The following NAA15 variants were observed in gnomAD, a reference collection of about 807,000 sequenced individuals.
The protein encoded by NAA15 is N-alpha-acetyltransferase 15, NatA auxiliary subunit, also known as N-terminal acetyltransferase.
A neutral mutation model predicts 114.0 loss-of-function variants in NAA15; 34 were observed. That is an observed-to-expected ratio of 0.30 (90% confidence interval 0.23 to 0.40). The LOEUF is 0.40. NAA15 is among the 10% of genes least tolerant of loss of function. The pLI, the probability that NAA15 is intolerant of heterozygous loss-of-function variation, is 1.00. For missense variants in NAA15, 658 were observed against 1,004.5 expected (o/e 0.66, Z 4.66); for synonymous variants, 340 against 338.0 (o/e 1.01, Z -0.06).
intron 15 of NAA15, among the ~76,000 whole-genome samples, chr4:139,372,637 A>G (rs1748473054): frequency 6.6e-6 from 1 of 152,134 alleles, no homozygotes; most frequent in Non-Finnish European, 1.5e-5. Flanking sequence ...AAATTATACC[A>G]AGCCATCATA....
chr4:139,371,271 G>C (rs1384213189), intron 15 of NAA15, among the ~76,000 whole-genome samples: 2 of 151,958 alleles, frequency 1.3e-5, no homozygotes, highest in African/African-American at 4.8e-5. Flanking sequence ...CACCAGAGCA[G>C]GTGGACAGTA....
intron 1 of NAA15, among the ~76,000 whole-genome samples, chr4:139,318,953 T>G (rs1282431230): frequency 6.6e-6 from 1 of 152,136 alleles, no homozygotes; most frequent in Non-Finnish European, 1.5e-5. Flanking sequence ...CTATAATCCC[T>G]TATCCAGTTA....
intron 1 of NAA15, among the ~76,000 whole-genome samples, chr4:139,315,826 A>G (rs1384133685): frequency 1.3e-5 from 2 of 149,810 alleles, no homozygotes; most frequent in Non-Finnish European, 3.0e-5. Flanking sequence ...TTATATTTTC[A>G]TTAGTTACCT....
chr4:139,360,397 TGAAAGAG>T, intron 12 of NAA15, 96 bp from the exon 13 acceptor site: 1 of 1,078,426 alleles, frequency 9.3e-7, no homozygotes, highest in Non-Finnish European at 1.3e-6. Flanking sequence ...AAAATTTTTT[TGAAAGAG>T]TCCCAATCAG....
intron 15 of NAA15, among the ~76,000 whole-genome samples, chr4:139,370,680 G>A (rs1403183512): frequency 6.6e-6 from 1 of 152,114 alleles, no homozygotes; most frequent in Middle Eastern, 3.2e-3. Flanking sequence ...CCAGATATTA[G>A]CTCTTATATT....
intron 14 of NAA15, among the ~76,000 whole-genome samples, chr4:139,366,205 ACT>A (rs1332394599): frequency 6.6e-6 from 1 of 151,850 alleles, no homozygotes; most frequent in African/African-American, 2.4e-5. Context: ...TGTCTAAGTG[ACT>A]CTGACTCAGG....
rs1237147730 is a variant in NAA15, at chr4:139,361,600, TG to T, written c.1540-123del. The T allele has an allele frequency of 1.6e-5, 10 of 610,110 alleles. No individual in the cohort carries two copies. In the South Asian group the frequency reaches 1.7e-4, roughly 10 times the overall value. The allele number at this position is 610,110 out of a possible 1,614,324, so 37.8% of individuals were successfully genotyped here. On this transcript the variant is annotated intron_variant, in intron 13 of 19. Transcript: ENST00000296543. ...AATATTCCTGTTGAATAATTGTAAT[TG>T]TTTTTTTAAAATTTTACTAGTTTTT...
In NAA15 at chr4:139,390,375, A is replaced by G. The variant is rs1453947597; in HGVS notation, c.*2291A>G. 2 of 152,642 alleles carry G rather than the reference A, an allele frequency of 1.3e-5. No individual in the cohort carries two copies. The highest frequency in any genetic ancestry group is 2.9e-5 in the Non-Finnish European group (2 of 68,040). 9.5% of individuals were successfully genotyped at this position (152,642 alleles called of 1,614,324 possible). A position where few individuals can be genotyped will look rare whatever the true frequency, so the allele number is the denominator to read the frequency against. On this transcript the variant is annotated 3_prime_UTR_variant, in exon 20 of 20. Coordinates refer to ENST00000296543, the MANE Select transcript of NAA15 (RefSeq NM_057175.5). ...ATTTTATGTCCAGACATCACCCCTG[A>G]AACACTGTACTGTACTATCTTGCTC... is the stretch of plus-strand genomic sequence containing the variant.
rs139026090 is a variant in NAA15 at position 139,312,906 on chromosome 4, A to C, written c.54+11075A>C. On this transcript the variant is annotated intron_variant, in intron 1 of 19. Transcript: ENST00000296543. ...TAAGAATTAAATGATGGACAGGTTGATGTTTTTGTTATCTGATGGGCTCTA... is the reference window on the plus strand; with the variant it reads ...TAAGAATTAAATGATGGACAGGTTGCTGTTTTTGTTATCTGATGGGCTCTA... Among the ~76,000 whole-genome samples, 3 of 151,970 alleles carry C rather than the reference A, an allele frequency of 2.0e-5. No homozygotes were observed. In the East Asian group the frequency reaches 5.8e-4, roughly 29 times the overall value.
chr4:139,363,352 T>C (rs556135535), intron 14 of NAA15, among the ~76,000 whole-genome samples: 9 of 152,344 alleles, frequency 5.9e-5, no homozygotes, highest in African/African-American at 1.9e-4. Context: ...CCAGCAATTA[T>C]CCCTGTGAAA....
chr4:139,341,106 G>T, intron 4 of NAA15, 37 bp downstream of exon 4: 1 of 1,356,498 alleles, frequency 7.4e-7, no homozygotes, highest in Non-Finnish European at 9.7e-7. Context: ...TAATTCTAAG[G>T]GGAAAATATG....
intron 13 of NAA15, among the ~76,000 whole-genome samples, 172 bp downstream of exon 13, chr4:139,360,800 G>A (rs1049775236): frequency 6.6e-6 from 1 of 152,032 alleles, no homozygotes; most frequent in Non-Finnish European, 1.5e-5. Context: ...TTTTCAGCCA[G>A]GGTCTCTATT....
chr4:139,332,376 G>A (rs984254784), intron 1 of NAA15, among the ~76,000 whole-genome samples: 2 of 151,302 alleles, frequency 1.3e-5, no homozygotes, highest in Admixed American at 6.6e-5. Flanking sequence ...TGATCTGCCC[G>A]CCTCGGCCTC....
At chr4:139,348,552 A>T (rs1412619701) in intron 6 of NAA15, among the ~76,000 whole-genome samples, 1 of 152,144 alleles carries the variant, frequency 6.6e-6, no homozygotes, top group African/African-American at 2.4e-5. Context: ...AGAGTGAAGG[A>T]TGCAAGGGTG....
At chr4:139,337,669 A>G (rs185359611) in intron 3 of NAA15, among the ~76,000 whole-genome samples, 2 of 152,350 alleles carry the variant, frequency 1.3e-5, no homozygotes, top group African/African-American at 4.8e-5. Flanking sequence ...AAATATTTCT[A>G]TACCAACTTT....
At position 139,390,873 on chromosome 4, in the gene NAA15, C is replaced by T. The variant is rs1749041955; in HGVS notation, c.*2789C>T. On this transcript the variant is annotated 3_prime_UTR_variant, in exon 20 of 20. Transcript: ENST00000296543. ...GTTTTTCACAGTGTTGTTTGTACTC[C>T]ATGGTGTATTGCTATTAGAGCTGTG... The T allele has an allele frequency of 6.6e-6, 1 of 152,118 alleles. No homozygotes were observed. Among genetic ancestry groups the T allele is most frequent in the African/African-American group, 2.4e-5 (1 of 41,412 alleles). The allele number at this position is 152,118 out of a possible 1,614,324, so 9.4% of individuals were successfully genotyped here. A position where few individuals can be genotyped will look rare whatever the true frequency, so the allele number is the denominator to read the frequency against.
intron 1 of NAA15, among the ~76,000 whole-genome samples, chr4:139,319,290 T>C (rs2110859200): frequency 1.3e-5 from 2 of 152,128 alleles, no homozygotes; most frequent in South Asian, 4.2e-4. Flanking sequence ...GTATTTCTAG[T>C]AGAGATGGGT....
At chr4:139,307,089 A>G (rs748191811) in intron 1 of NAA15, among the ~76,000 whole-genome samples, 6 of 152,218 alleles carry the variant, frequency 3.9e-5, no homozygotes, top group Non-Finnish European at 8.8e-5. Flanking sequence ...GAGAAGTTAA[A>G]ATAGCATGAT....
chr4:139,305,308 T>C (rs1745973645), intron 1 of NAA15, among the ~76,000 whole-genome samples: 1 of 152,122 alleles, frequency 6.6e-6, no homozygotes, highest in African/African-American at 2.4e-5. Flanking sequence ...GAAGGAAGAG[T>C]AAAGGAGCTA....
Sources: gnomAD v4.1 joint callset for allele counts (sites outside exome capture counted in the v4.1 genomes callset) on GRCh38, gnomAD v4.1.1 for gene constraint, MANE v1.5 for transcripts, NCBI Gene and HGNC (gene_info 2026-07-23, HGNC 2026-07-21) for gene names.